Variants in ANKS1A observed in about 807,000 individuals in gnomAD.
ANKS1A encodes the protein ankyrin repeat and SAM domain-containing protein 1A.
ANKS1A carries 55 observed loss-of-function variants against 120.3 expected under a neutral mutation model. The observed-to-expected ratio is 0.46, with a 90% confidence interval of 0.37 to 0.57. The LOEUF (loss-of-function observed/expected upper bound fraction) is 0.57, where lower values mean the gene tolerates loss of function less well. Among genes scored for constraint, ANKS1A ranks in the 20% least tolerant of loss-of-function variants. ANKS1A has a pLI of 0.00. For missense variants in ANKS1A, 1,123 were observed against 1,480.3 expected (o/e 0.76, Z 3.96); for synonymous variants, 590 against 604.7 (o/e 0.98, Z 0.36).
chr6:35,025,822 A>G (rs959107030), intron 11 of ANKS1A, among the ~76,000 whole-genome samples: 1 of 151,722 alleles, frequency 6.6e-6, no homozygotes, highest in African/African-American at 2.4e-5. Flanking sequence ...GTTGACCCAC[A>G]TTTCTATTCT....
chr6:35,076,029 T>C (rs1366835828), intron 13 of ANKS1A, among the ~76,000 whole-genome samples: 1 of 152,174 alleles, frequency 6.6e-6, no homozygotes, highest in Admixed American at 6.5e-5. Flanking sequence ...CCTCCAAAAG[T>C]GTTGGGATTA....
At chr6:34,967,126 G>T (rs1770929774) in intron 1 of ANKS1A, 113 bp from the exon 2 acceptor site, 2 of 958,508 alleles carry the variant, frequency 2.1e-6, no homozygotes, top group Admixed American at 2.0e-5. Flanking sequence ...GAAGTAACTG[G>T]TCTGGTTGAA....
intron 17 of ANKS1A, 117 bp downstream of exon 17, chr6:35,081,275 T>G: frequency 7.4e-7 from 1 of 1,354,750 alleles, no homozygotes; most frequent in Non-Finnish European, 9.8e-7. Context: ...GGCACCAGAG[T>G]CAGGAGGCAC....
Position 35,020,573 on chromosome 6 carries a change from G to A in ANKS1A, c.2010+2514G>A, listed in dbSNP as rs561459002. Among the ~76,000 whole-genome samples, 8 of 152,276 alleles carry A rather than the reference G, an allele frequency of 5.3e-5. No individual in the cohort carries two copies. The South Asian group carries it at 1.4e-3, about 28-fold the overall frequency. On this transcript the variant is annotated intron_variant, in intron 11 of 23. Coordinates refer to ENST00000360359, the MANE Select transcript of ANKS1A (RefSeq NM_015245.3). ...CTCTTCTTTATGGCTCCTTCTGAGC[G>A]TATCCCAAACCAGAGAGGTCAGCAG...
At chr6:35,059,109 C>G (rs1437824779) in intron 12 of ANKS1A, among the ~76,000 whole-genome samples, 3 of 152,216 alleles carry the variant, frequency 2.0e-5, no homozygotes, top group Non-Finnish European at 4.4e-5. Flanking sequence ...CTGAATTTGC[C>G]TGCCTGCTTT....
At chr6:34,912,594 A>G (rs1318377499) in intron 1 of ANKS1A, among the ~76,000 whole-genome samples, 1 of 152,216 alleles carries the variant, frequency 6.6e-6, no homozygotes, top group Non-Finnish European at 1.5e-5. Flanking sequence ...AGAGTACTGT[A>G]TAGATTGAAA....
intron 1 of ANKS1A, among the ~76,000 whole-genome samples, chr6:34,940,736 C>T (rs1769482360): frequency 6.6e-6 from 1 of 151,768 alleles, no homozygotes; most frequent in Non-Finnish European, 1.5e-5. Flanking sequence ...TGATGAAACC[C>T]CGTCTCTACT....
rs148192933 is a variant in ANKS1A, at chr6:34,961,882, C to T, written c.198-5357C>T. Reference sequence around the variant, plus strand: ...ACATATTCACTTCATGTTGTTGTTCCAGTTAGATCAGACAGTCCTTGTTTG... The same window carrying T: ...ACATATTCACTTCATGTTGTTGTTCTAGTTAGATCAGACAGTCCTTGTTTG... On this transcript the variant is annotated intron_variant, in intron 1 of 23. Transcript: ENST00000360359. Among the ~76,000 whole-genome samples the T allele has an allele frequency of 4.5e-3, 680 of 152,310 alleles. 5 individuals carry two copies. Among genetic ancestry groups the T allele is most frequent in the African/African-American group, 0.015 (637 of 41,572 alleles).
intron 3 of ANKS1A, among the ~76,000 whole-genome samples, chr6:34,973,826 T>TA (rs1410170106): frequency 1.3e-5 from 2 of 150,218 alleles, no homozygotes; most frequent in African/African-American, 4.9e-5. Flanking sequence ...TACTCTTTCT[T>TA]ACCTCCTTCC....
At chr6:34,997,065 G>A (rs927822282) in intron 10 of ANKS1A, among the ~76,000 whole-genome samples, 8 of 152,052 alleles carry the variant, frequency 5.3e-5, no homozygotes, top group East Asian at 1.9e-4. Context: ...CCCCACACCC[G>A]GTTCTTAGTG....
chr6:35,073,410 G>A (rs541049781), intron 13 of ANKS1A, among the ~76,000 whole-genome samples: 1 of 152,342 alleles, frequency 6.6e-6, no homozygotes, highest in East Asian at 1.9e-4. Context: ...CTGCAAAGCG[G>A]GGAGCAGTCG....
chr6:34,971,606 G>A (rs531220761), intron 3 of ANKS1A, among the ~76,000 whole-genome samples: 49 of 152,244 alleles, frequency 3.2e-4, no homozygotes, highest in African/African-American at 1.1e-3. Flanking sequence ...TGACTTTGCC[G>A]AGAGGGGATT....
chr6:34,992,969 G>A (rs1772655037), intron 9 of ANKS1A, among the ~76,000 whole-genome samples: 1 of 152,172 alleles, frequency 6.6e-6, no homozygotes, highest in Non-Finnish European at 1.5e-5. Flanking sequence ...AGTGGGCTAA[G>A]GGACATGTCA....
the ANKS1A span, among the ~76,000 whole-genome samples, chr6:35,097,504 G>C: frequency 1.4e-5 from 2 of 141,366 alleles, no homozygotes; most frequent in Admixed American, 1.4e-4. Flanking sequence ...GCCAGACTCC[G>C]TCTCAAAAAA....
chr6:34,967,271 A>G lies in ANKS1A; in HGVS notation c.230A>G (p.Asp77Gly). The G allele has an allele frequency of 6.2e-7, 1 of 1,613,738 alleles. No homozygotes were observed. Among genetic ancestry groups the G allele is most frequent in the Non-Finnish European group, 8.5e-7 (1 of 1,179,950 alleles). ...AGAGGGCCAAATGTGAACTGTGTTG[A>G]CAGCACTGGCTACACACCCCTGCAC... ...MWRGPNVNCVDSTGYTPLHHA... is the reference protein window; with the variant it reads ...MWRGPNVNCVGSTGYTPLHHA... The change falls in exon 2 of 24, where the codon GAC (aspartate) becomes GGC (glycine). Residue 77 changes from aspartate to glycine, a missense_variant. Asp to Gly is a moderately conservative substitution (Grantham distance 94, BLOSUM62 -1). This residue lies in a region of ANKS1A where 146 missense variants were observed against 267.8 expected (regional missense o/e 0.55). Coordinates refer to ENST00000360359, the MANE Select transcript of ANKS1A (RefSeq NM_015245.3).
At chr6:34,932,026 A>G (rs943378726) in intron 1 of ANKS1A, among the ~76,000 whole-genome samples, 3 of 152,258 alleles carry the variant, frequency 2.0e-5, no homozygotes, top group Non-Finnish European at 4.4e-5. Context: ...CCAGTGGCCA[A>G]TGGCCAGTTG....
chr6:35,088,597 T>C lies in ANKS1A; in HGVS notation c.3402-9T>C. ...CCCTTTCCTCCCCCCATTGTTTGCT[T>C]CTGCCAAGCTGAGCCACTGAGGAAC... is the stretch of plus-strand genomic sequence containing the variant. On this transcript the variant is annotated splice_polypyrimidine_tract_variant and intron_variant, in intron 23 of 23. Transcript: ENST00000360359. 1 of 1,614,206 alleles carries C rather than the reference T, an allele frequency of 6.2e-7. No homozygotes were observed. Among genetic ancestry groups the C allele is most frequent in the South Asian group, 1.1e-5 (1 of 91,086 alleles).
downstream of ANKS1A, among the ~76,000 whole-genome samples, chr6:35,095,876 T>C (rs575443116): frequency 2.5e-4 from 38 of 152,236 alleles, no homozygotes; most frequent in Non-Finnish European, 5.6e-4. Context: ...AGGATAATTA[T>C]CTCAAAACAA....
intron 13 of ANKS1A, among the ~76,000 whole-genome samples, chr6:35,076,507 T>C (rs940417467): frequency 2.0e-5 from 3 of 152,236 alleles, no homozygotes; most frequent in African/African-American, 7.2e-5. Flanking sequence ...ACAGCAGCAT[T>C]GGGGCTGAAT....
Sources: allele counts gnomAD v4.1 joint callset (sites outside exome capture counted in the v4.1 genomes callset), GRCh38; gene constraint gnomAD v4.1.1; regional missense constraint gnomAD v4.1.1; transcripts MANE v1.5; gene names NCBI Gene and HGNC (gene_info 2026-07-23, HGNC 2026-07-21).